The following OSBPL9 variants were observed in gnomAD, a reference collection of about 807,000 sequenced individuals.
OSBPL9 encodes oxysterol binding protein like 9, also known as oxysterol-binding protein-related protein 9.
A neutral mutation model predicts 106.6 loss-of-function variants in OSBPL9; 40 were observed. That is an observed-to-expected ratio of 0.38 (90% CI 0.29 to 0.49). The LOEUF (loss-of-function observed/expected upper bound fraction) is 0.49, where lower values mean the gene tolerates loss of function less well. Among genes scored for constraint, OSBPL9 ranks in the 20% least tolerant of loss-of-function variants. The pLI, the probability that OSBPL9 is intolerant of heterozygous loss-of-function variation, is 0.97. For synonymous variants in OSBPL9, 269 were observed against 295.4 expected, an observed-to-expected ratio of 0.91 and a Z score of 0.92; for missense variants, 609 against 887.2, an observed-to-expected ratio of 0.69 and a Z score of 3.98.
chr1:51,557,202 C>T, the OSBPL9 span, among the ~76,000 whole-genome samples: 1 of 152,160 alleles, frequency 6.6e-6, no homozygotes, highest in African/African-American at 2.4e-5. Flanking sequence ...TTTTATTTGG[C>T]TTACATTACC....
intron 4 of OSBPL9, chr1:51,724,684 C>T (rs1011860395): frequency 1.4e-4 from 21 of 152,974 alleles, no homozygotes; most frequent in African/African-American, 4.8e-4. Flanking sequence ...TAGCTTCTCT[C>T]AGGATTTTTT....
At chr1:51,658,905 G>A (rs766283889) in intron 2 of OSBPL9, among the ~76,000 whole-genome samples, 13 of 151,990 alleles carry the variant, frequency 8.6e-5, no homozygotes, top group South Asian at 4.2e-4. Flanking sequence ...GGCTTTTCTC[G>A]TTAATTCAGT....
At chr1:51,693,056 T>C (rs1488852240) in intron 3 of OSBPL9, among the ~76,000 whole-genome samples, 2 of 152,014 alleles carry the variant, frequency 1.3e-5, no homozygotes, top group Non-Finnish European at 2.9e-5. Context: ...AATTAGTTGC[T>C]AAGAAAATGT....
At chr1:51,576,176 A>C (rs561992056), upstream of OSBPL9, among the ~76,000 whole-genome samples, 16 of 152,234 alleles carry the variant, frequency 1.1e-4, no homozygotes, top group Non-Finnish European at 1.9e-4. Context: ...AAATTCTAAA[A>C]GGGAAGAGGT....
intron 1 of OSBPL9, among the ~76,000 whole-genome samples, chr1:51,638,026 C>T (rs1339310497): frequency 2.6e-5 from 4 of 152,202 alleles, no homozygotes. Context: ...GCTGTTCCAT[C>T]TCTTAAAGAT....
At chr1:51,530,102 C>T in the OSBPL9 span, among the ~76,000 whole-genome samples, 3 of 128,942 alleles carry the variant, frequency 2.3e-5, no homozygotes, top group East Asian at 7.5e-4. Context: ...ACCTGGGAGG[C>T]GGAGCTTGCA....
the OSBPL9 span, among the ~76,000 whole-genome samples, chr1:51,560,612 ACT>A: frequency 1.3e-5 from 2 of 152,156 alleles, no homozygotes; most frequent in South Asian, 4.2e-4. Context: ...GCCTTGAGCC[ACT>A]CTCTTTTCTC....
rs578262084 is a variant in OSBPL9 at position 51,581,192 on chromosome 1, T to C, written c.-423+3936T>C. Among the ~76,000 whole-genome samples, 4 of 151,772 alleles carry C rather than the reference T, an allele frequency of 2.6e-5. No homozygotes were observed. The South Asian group carries it at 8.3e-4, about 32-fold the overall frequency. ...TGCCTGCCTTGGCCTCCCAAACTGC[T>C]GGGATTACAAGGTGAGCCACTGCTC... is the stretch of plus-strand genomic sequence containing the variant. On this transcript the variant is annotated intron_variant, in intron 1 of 25. Coordinates refer to the OSBPL9 transcript ENST00000371714.
chr1:51,577,614 A>G (rs1164649506), intron 1 of OSBPL9, among the ~76,000 whole-genome samples: 1 of 152,200 alleles, frequency 6.6e-6, no homozygotes, highest in African/African-American at 2.4e-5. Context: ...AGAATGGCGT[A>G]ATACATTGTC....
intron 3 of OSBPL9, among the ~76,000 whole-genome samples, chr1:51,703,066 C>T (rs1657658890): frequency 6.6e-6 from 1 of 152,172 alleles, no homozygotes; most frequent in South Asian, 2.1e-4. Context: ...AGTTTGAAGT[C>T]AGGTAGCTTG....
chr1:51,611,326 C>G, intron 2 of OSBPL9, among the ~76,000 whole-genome samples: 1 of 151,508 alleles, frequency 6.6e-6, no homozygotes, highest in East Asian at 1.9e-4. Context: ...ATCTTGTTTC[C>G]TCTACACCCA....
intron 3 of OSBPL9, among the ~76,000 whole-genome samples, chr1:51,700,064 A>G (rs375643038): frequency 2.0e-5 from 3 of 152,098 alleles, no homozygotes; most frequent in Non-Finnish European, 4.4e-5. Flanking sequence ...TATTTGATCA[A>G]TCCTTCTGTA....
chr1:51,756,217 A>G, intron 8 of OSBPL9, 103 bp from the exon 9 acceptor site: 1 of 930,530 alleles, frequency 1.1e-6, no homozygotes, highest in Non-Finnish European at 1.7e-6. Context: ...TCATGTTCTA[A>G]CATTATTACT....
intron 4 of OSBPL9, among the ~76,000 whole-genome samples, chr1:51,725,312 C>T (rs1662923623): frequency 6.6e-6 from 1 of 152,082 alleles, no homozygotes; most frequent in African/African-American, 2.4e-5. Flanking sequence ...TTTCTGCTTA[C>T]ATTGCCCATC....
At chr1:51,609,020 G>T (rs1643967810) in intron 2 of OSBPL9, among the ~76,000 whole-genome samples, 1 of 151,534 alleles carries the variant, frequency 6.6e-6, no homozygotes, top group Non-Finnish European at 1.5e-5. Context: ...CCTTCTTAAA[G>T]TTCACTGTCT....
At chr1:51,612,499 A>G (rs1643995373), upstream of OSBPL9, among the ~76,000 whole-genome samples, 1 of 152,242 alleles carries the variant, frequency 6.6e-6, no homozygotes. Flanking sequence ...TGAGGAATGT[A>G]GGAACTATAG....
At chr1:51,667,959 G>A (rs1170643034) in intron 2 of OSBPL9, among the ~76,000 whole-genome samples, 1 of 152,172 alleles carries the variant, frequency 6.6e-6, no homozygotes, top group African/African-American at 2.4e-5. Context: ...TCAAGTAGGT[G>A]GAATTTGGAT....
intron 4 of OSBPL9, chr1:51,740,036 T>G: frequency 7.3e-7 from 1 of 1,369,344 alleles, no homozygotes. Flanking sequence ...CTACTTTTCC[T>G]CTGTGTAGTT....
intron 12 of OSBPL9, among the ~76,000 whole-genome samples, chr1:51,769,124 A>G (rs570574226): frequency 1.3e-5 from 2 of 152,154 alleles, no homozygotes; most frequent in African/African-American, 2.4e-5. Flanking sequence ...TCCTATCCAC[A>G]TATTCTCTGC....
Sources: allele counts gnomAD v4.1 joint callset (sites outside exome capture counted in the v4.1 genomes callset), GRCh38; gene constraint gnomAD v4.1.1; transcripts MANE v1.5; gene names NCBI Gene and HGNC (gene_info 2026-07-23, HGNC 2026-07-21).